The following SLC19A2 variants were observed in gnomAD, a reference collection of about 807,000 sequenced individuals.
SLC19A2 encodes the protein thiamine transporter 1.
SLC19A2 carries 27 observed loss-of-function variants against 44.7 expected under a neutral mutation model. The observed-to-expected ratio is 0.60, with a 90% CI of 0.45 to 0.83. The LOEUF (loss-of-function observed/expected upper bound fraction) is 0.83, where lower values mean the gene tolerates loss of function less well. SLC19A2 is among the 40% of genes least tolerant of loss of function. The pLI, the probability that SLC19A2 is intolerant of heterozygous loss-of-function variation, is 0.00. For missense variants in SLC19A2, 566 were observed against 613.7 expected (o/e 0.92, Z 0.82); for synonymous variants, 239 against 243.6 (o/e 0.98, Z 0.18).
intron 3 of SLC19A2, among the ~76,000 whole-genome samples, chr1:169,469,472 G>A (rs1159128077): frequency 6.6e-6 from 1 of 152,156 alleles, no homozygotes; most frequent in East Asian, 1.9e-4. Context: ...ATATGACCTT[G>A]AGCAAGTTAT....
In SLC19A2 at chr1:169,470,019, A is replaced by C. The variant is rs2101774782; in HGVS notation, c.975T>G (p.Pro325=). The C allele has an allele frequency of 6.2e-7, 1 of 1,614,056 alleles. No homozygotes were observed. The highest frequency in any genetic ancestry group is 8.5e-7 in the Non-Finnish European group (1 of 1,179,936). The stretch of plus-strand genomic sequence containing the variant: ...CATTATAGATAGCAGCATAGCGAGA[A>C]GGCATCACTTTCTCCCACAGGCCCT... ...YTQGLWEKVM[P]SRYAAIYNGG... The change falls in exon 3 of 6, where the codon CCT becomes CCG. Residue 325 remains proline (P), a synonymous_variant. Transcript: ENST00000236137.
In SLC19A2 at chr1:169,474,219, T is replaced by C. The variant is rs193250623; in HGVS notation, c.807+2936A>G. On this transcript the variant is annotated intron_variant, in intron 2 of 5. Transcript: ENST00000236137. ...TAATACCAAAGTGGAAGCATTAATT[T>C]CACTGTTGTCATTGTTTAGAGACCT... 1.9e-3 allele frequency: 292 copies of C among 152,332 alleles called. 2 individuals carry two copies. Among genetic ancestry groups the C allele is most frequent in the African/African-American group, 6.9e-3 (286 of 41,568 alleles). 9.4% of individuals were successfully genotyped at this position (152,332 alleles called of 1,614,324 possible). A position where few individuals can be genotyped will look rare whatever the true frequency, so the allele number is the denominator to read the frequency against.
chr1:169,466,754 A>G (rs920425111), intron 5 of SLC19A2, among the ~76,000 whole-genome samples: 3 of 151,902 alleles, frequency 2.0e-5, no homozygotes, highest in African/African-American at 4.8e-5. Context: ...TCATTGTCCA[A>G]CACCGACTTA....
chr1:169,472,973 T>C (rs6656463), intron 2 of SLC19A2, among the ~76,000 whole-genome samples: 38,794 of 152,174 alleles, frequency 0.25, 6,094 homozygotes, highest in Non-Finnish European at 0.36. Context: ...CTGTGTTCCA[T>C]GGAGCTTTAA....
rs59833853 is a variant in SLC19A2, at chr1:169,471,463, C to CCA, written c.808-1279_808-1278dup. Among the ~76,000 whole-genome samples the CCA allele has an allele frequency of 7.0e-3, 823 of 118,044 alleles. 13 individuals are homozygous for CCA. The highest frequency in any genetic ancestry group is 0.023 in the African/African-American group (678 of 28,966). 77.4% of individuals were successfully genotyped at this position (118,044 alleles called of 152,430 possible). A position where few individuals can be genotyped will look rare whatever the true frequency, so the allele number is the denominator to read the frequency against. The stretch of plus-strand genomic sequence containing the variant: ...TGGGCAACATAGTAAGATCCCGTCT[C>CCA]CACACACACACACACACACACACAC... On this transcript the variant is annotated intron_variant, in intron 2 of 5. Transcript: ENST00000236137.
chr1:169,465,795 C>T lies in SLC19A2; in HGVS notation c.*54G>A, dbSNP rs928810339. On this transcript the variant is annotated 3_prime_UTR_variant, in exon 6 of 6. Transcript: ENST00000236137. ...TACGCTTTAAAAAATCAAACACATC[C>T]AGGCAGTTGCTGTGCAGAGTTCTTG... 8.7e-6 allele frequency: 14 copies of T among 1,600,164 alleles called. No individual in the cohort carries two copies. In the African/African-American group the frequency reaches 1.9e-4, roughly 21 times the overall value.
At position 169,468,652 on chromosome 1, in the gene SLC19A2, C is replaced by T. The variant is rs61049753; in HGVS notation, c.1215G>A (p.Thr405=). Residue 405 remains threonine (T), a synonymous_variant, in exon 4 of 6, where the codon ACG becomes ACA. Transcript: ENST00000236137. ...TGAGCCAAAATACATACGTTGCTAT[C>T]GTGATGAGTAACATGTAGATGATTC... ...VFRIIYMLLI[T]IATFQIAANL... is the part of the protein sequence containing the mutation. 4.3e-3 allele frequency: 6,949 copies of T among 1,613,394 alleles called. 155 individuals are homozygous for T. In the African/African-American group the frequency reaches 0.063, roughly 15 times the overall value.
Position 169,465,907 on chromosome 1 carries a change from A to C in SLC19A2, c.1436T>G (p.Met479Arg). Reference sequence around the variant, plus strand: ...ATCTTCCAGCTTTCTACATTTCTTCATAACACTGACTGCACCACTGGCCAG... The same window carrying C: ...ATCTTCCAGCTTTCTACATTTCTTCCTAACACTGACTGCACCACTGGCCAG... ...VFLASGAVSV[M>R]KKCRKLEDPQ... The change falls in exon 6 of 6, where the codon ATG (methionine) becomes AGG (arginine). Residue 479 changes from methionine to arginine, a missense_variant. Met to Arg is a moderately conservative substitution (Grantham distance 91). Coordinates refer to ENST00000236137, the MANE Select transcript of SLC19A2 (RefSeq NM_006996.3). The C allele has an allele frequency of 6.2e-7, 1 of 1,614,152 alleles. No individual in the cohort carries two copies. The highest frequency in any genetic ancestry group is 8.5e-7 in the Non-Finnish European group (1 of 1,179,984).
intron 4 of SLC19A2, 57 bp downstream of exon 4, chr1:169,468,587 C>CA: frequency 1.3e-6 from 2 of 1,506,516 alleles, no homozygotes; most frequent in Non-Finnish European, 9.2e-7. Flanking sequence ...GTAAAGAAAC[C>CA]AAAAAATTTA....
At chr1:169,475,770 G>T (rs931111002) in intron 2 of SLC19A2, among the ~76,000 whole-genome samples, 1 of 152,152 alleles carries the variant, frequency 6.6e-6, no homozygotes, top group African/African-American at 2.4e-5. Flanking sequence ...TTCATGATGA[G>T]GGTTGCCCAG....
chr1:169,478,619 C>T (rs1376420307), intron 1 of SLC19A2, among the ~76,000 whole-genome samples: 1 of 149,526 alleles, frequency 6.7e-6, no homozygotes, highest in Non-Finnish European at 1.5e-5. Context: ...AGCAATCCAC[C>T]AGCCTCAGCC....
Position 169,468,271 on chromosome 1 carries a change from A to T in SLC19A2, c.1224-19T>A, listed in dbSNP as rs780952503. 6 of 1,601,220 alleles carry T rather than the reference A, an allele frequency of 3.7e-6. No individual in the cohort carries two copies. The highest frequency in any genetic ancestry group is 4.3e-6 in the Non-Finnish European group (5 of 1,169,604). ...TTGAAAACTTAAAAAAAAATAAAAG[A>T]GTGAATAAATAAGAATTACTTCTGG... On this transcript the variant is annotated intron_variant, in intron 4 of 5. Coordinates refer to ENST00000236137, the MANE Select transcript of SLC19A2 (RefSeq NM_006996.3).
At chr1:169,485,962 G>A (rs72542444), upstream of SLC19A2, 7 of 658,886 alleles carry the variant, frequency 1.1e-5, no homozygotes, top group Admixed American at 1.2e-4. Flanking sequence ...CTGCCTGATC[G>A]CCCAGTTTAA....
rs1658558435 is a variant in SLC19A2 at position 169,485,939 on chromosome 1, G to A, written c.-173C>T. On this transcript the variant is annotated 5_prime_UTR_variant, in exon 1 of 6. Transcript: ENST00000236137. ...GAACCCCCAGCTTTACCCTACAGAC[G>A]CCTCTAGGGTCGCTGCCTGATCGCC... 1 of 764,032 alleles carries A rather than the reference G, an allele frequency of 1.3e-6. No individual in the cohort carries two copies. The highest frequency in any genetic ancestry group is 2.7e-5 in the East Asian group (1 of 36,608). 47.3% of individuals were successfully genotyped at this position (764,032 alleles called of 1,614,324 possible).
chr1:169,471,698 GTA>G (rs1553212203), intron 2 of SLC19A2, among the ~76,000 whole-genome samples: 16 of 146,920 alleles, frequency 1.1e-4, no homozygotes, highest in South Asian at 4.4e-4. Flanking sequence ...GTGTGTGTGT[GTA>G]TATATACACA....
At chr1:169,467,681 A>T (rs1043037350) in intron 5 of SLC19A2, among the ~76,000 whole-genome samples, 4 of 152,234 alleles carry the variant, frequency 2.6e-5, no homozygotes, top group African/African-American at 9.6e-5. Flanking sequence ...GCAAGGCATT[A>T]CCGTGGTATT....
At position 169,485,817 on chromosome 1, in the gene SLC19A2, C is replaced by G. The variant is rs1459978384; in HGVS notation, c.-51G>C. ...GCCCGGCCCCTTCCTTCTCCTCCTC[C>G]GCCAACTGGAGTGAGGGTCAGGCAC... is the stretch of plus-strand genomic sequence containing the variant. On this transcript the variant is annotated 5_prime_UTR_variant, in exon 1 of 6. Transcript: ENST00000236137. 6.7e-7 allele frequency: 1 copy of G among 1,495,576 alleles called. No individual in the cohort carries two copies. The highest frequency in any genetic ancestry group is 8.9e-7 in the Non-Finnish European group (1 of 1,128,412). The allele number at this position is 1,495,576 out of a possible 1,614,324, so 92.6% of individuals were successfully genotyped here. A position where few individuals can be genotyped will look rare whatever the true frequency, so the allele number is the denominator to read the frequency against.
Position 169,476,909 on chromosome 1 carries a change from T to C in SLC19A2, c.807+246A>G, listed in dbSNP as rs115703183. On this transcript the variant is annotated intron_variant, in intron 2 of 5. Transcript: ENST00000236137. ...TCCAAGGCATCTCTGACATGAACAA[T>C]ATAATGCTGTATCAGTCTGACTTTG... is the stretch of plus-strand genomic sequence containing the variant. Among the ~76,000 whole-genome samples the C allele has an allele frequency of 5.3e-4, 81 of 152,198 alleles. 1 individual carries two copies. Among genetic ancestry groups the C allele is most frequent in the South Asian group, 1.5e-3 (7 of 4,820 alleles).
intron 3 of SLC19A2, chr1:169,469,051 G>C: frequency 3.6e-6 from 2 of 551,466 alleles, no homozygotes; most frequent in South Asian, 2.2e-5. Flanking sequence ...AATTAGGAGA[G>C]GTGGCAATGA....
Sources: gnomAD v4.1 joint callset for allele counts (sites outside exome capture counted in the v4.1 genomes callset) on GRCh38, gnomAD v4.1.1 for gene constraint, MANE v1.5 for transcripts, NCBI Gene and HGNC (gene_info 2026-07-23, HGNC 2026-07-21) for gene names.